Variants in DOCK1 observed in about 807,000 individuals in gnomAD.
The protein encoded by DOCK1 is dedicator of cytokinesis protein 1.
A neutral mutation model predicts 262.7 loss-of-function variants in DOCK1; 138 were observed. The observed-to-expected ratio is 0.53, with a 90% CI of 0.46 to 0.61. DOCK1 has a LOEUF of 0.61. DOCK1 is among the 20% of genes least tolerant of loss of function. DOCK1 has a pLI of 0.00. For missense variants in DOCK1, 1,908 were observed against 2,370.7 expected (o/e 0.80, Z 4.05); for synonymous variants, 866 against 867.4 (o/e 1.00, Z 0.03).
chr10:127,419,528 T>G, intron 45 of DOCK1, 138 bp from the exon 46 acceptor site: 1 of 765,404 alleles, frequency 1.3e-6, no homozygotes, highest in Admixed American at 2.3e-5. Context: ...GCGAAGGGTG[T>G]GACCCTGAGT....
intron 16 of DOCK1, 79 bp downstream of exon 16, chr10:127,026,503 G>T: frequency 1.5e-6 from 2 of 1,311,506 alleles, no homozygotes; most frequent in Non-Finnish European, 2.1e-6. Context: ...ACTCTCAGTT[G>T]TTCTGGAACT....
chr10:127,316,514 C>A (rs1322906932), intron 29 of DOCK1, among the ~76,000 whole-genome samples: 5 of 152,150 alleles, frequency 3.3e-5, no homozygotes, highest in Non-Finnish European at 7.4e-5. Flanking sequence ...TGGATTCATT[C>A]TGAATCGACT....
At chr10:127,433,458 G>C in intron 48 of DOCK1, 30 bp downstream of exon 48, 1 of 1,610,312 alleles carries the variant, frequency 6.2e-7, no homozygotes, top group Non-Finnish European at 8.5e-7. Context: ...GGGCTGAGCT[G>C]AGCAGTGAGG....
At chr10:127,427,464 C>G (rs1010842435) in intron 47 of DOCK1, among the ~76,000 whole-genome samples, 4 of 152,184 alleles carry the variant, frequency 2.6e-5, no homozygotes, top group Non-Finnish European at 5.9e-5. Flanking sequence ...CAGGGACCTT[C>G]CTAAGTGCTG....
chr10:127,429,974 T>A (rs2134611292), intron 47 of DOCK1, among the ~76,000 whole-genome samples: 1 of 152,332 alleles, frequency 6.6e-6, no homozygotes, highest in Non-Finnish European at 1.5e-5. Flanking sequence ...AAATTGATCC[T>A]GGTTCTGCAT....
At chr10:126,979,090 AC>A (rs1157465785) in intron 3 of DOCK1, among the ~76,000 whole-genome samples, 5 of 152,114 alleles carry the variant, frequency 3.3e-5, no homozygotes. Flanking sequence ...CCAACCTCAG[AC>A]TGGGCTACAG....
intron 27 of DOCK1, among the ~76,000 whole-genome samples, chr10:127,224,473 A>G (rs2058560671): frequency 6.6e-6 from 1 of 151,914 alleles, no homozygotes; most frequent in Admixed American, 6.6e-5. Flanking sequence ...GAGGGAGGAA[A>G]ATCACTTGAA....
chr10:126,947,271 G>A (rs2035500150), intron 1 of DOCK1, among the ~76,000 whole-genome samples: 1 of 146,422 alleles, frequency 6.8e-6, no homozygotes, highest in Non-Finnish European at 1.5e-5. Flanking sequence ...TAGTACTACT[G>A]TTGGTGGTGA....
intron 27 of DOCK1, among the ~76,000 whole-genome samples, chr10:127,236,383 C>G (rs2059055329): frequency 6.8e-6 from 1 of 147,766 alleles, no homozygotes; most frequent in Non-Finnish European, 1.5e-5. Flanking sequence ...TGCTCCCTCC[C>G]TACTTCCCTC....
Position 127,227,359 on chromosome 10 carries a change from C to T in DOCK1, c.2848-20649C>T, listed in dbSNP as rs371284316. Among the ~76,000 whole-genome samples the T allele has an allele frequency of 2.5e-4, 38 of 152,314 alleles. No homozygotes were observed. In the East Asian group the frequency reaches 3.1e-3, roughly 12 times the overall value. On this transcript the variant is annotated intron_variant, in intron 27 of 51. Coordinates refer to ENST00000623213, the MANE Select transcript of DOCK1 (RefSeq NM_001290223.2). ...ATAGGCTGGTAAGACCCTGCCAGTGCGGGCCTGCCTCAGTGCCTTGGAACG... is the reference window on the plus strand; with the variant it reads ...ATAGGCTGGTAAGACCCTGCCAGTGTGGGCCTGCCTCAGTGCCTTGGAACG...
intron 1 of DOCK1, among the ~76,000 whole-genome samples, chr10:126,948,946 G>A (rs1446174328): frequency 6.6e-6 from 1 of 152,140 alleles, no homozygotes; most frequent in Non-Finnish European, 1.5e-5. Flanking sequence ...GGCCCCGCAA[G>A]CTGGGCTTTC....
intron 13 of DOCK1, among the ~76,000 whole-genome samples, chr10:127,022,070 T>C (rs528900126): frequency 1.2e-3 from 180 of 152,218 alleles, no homozygotes; most frequent in African/African-American, 4.2e-3. Flanking sequence ...TTCTCCCAGT[T>C]GGGCCATTAC....
chr10:127,007,404 C>T (rs985331232), intron 10 of DOCK1: 1 of 152,304 alleles, frequency 6.6e-6, no homozygotes, highest in African/African-American at 2.4e-5. Context: ...TAGACTGATC[C>T]TCTTACCTGA....
chr10:127,300,802 TCTTTG>T (rs568900279), intron 29 of DOCK1, among the ~76,000 whole-genome samples: 2 of 152,270 alleles, frequency 1.3e-5, no homozygotes, highest in Admixed American at 6.5e-5. Context: ...CACCTGACTT[TCTTTG>T]CTTTGCTTTG....
chr10:127,163,659 T>C (rs752653887), intron 27 of DOCK1, among the ~76,000 whole-genome samples: 12 of 152,122 alleles, frequency 7.9e-5, no homozygotes, highest in Non-Finnish European at 1.0e-4. Flanking sequence ...TAAATAGTAT[T>C]CATATTAGCC....
intron 1 of DOCK1, among the ~76,000 whole-genome samples, chr10:126,951,039 T>C (rs2036173938): frequency 6.6e-6 from 1 of 151,936 alleles, no homozygotes; most frequent in Non-Finnish European, 1.5e-5. Context: ...TTGGTAGTAG[T>C]AGTATTGGTG....
At chr10:127,005,623 T>A (rs1436352592) in intron 10 of DOCK1, among the ~76,000 whole-genome samples, 1 of 152,192 alleles carries the variant, frequency 6.6e-6, no homozygotes. Flanking sequence ...TATCTTTTTC[T>A]AAAAGATAGA....
At chr10:127,105,060 C>G (rs986835245) in intron 23 of DOCK1, among the ~76,000 whole-genome samples, 1 of 152,096 alleles carries the variant, frequency 6.6e-6, no homozygotes, top group Non-Finnish European at 1.5e-5. Context: ...TTTCCTGTGC[C>G]GTTCTCATGA....
chr10:127,371,086 A>G (rs2065183630), intron 33 of DOCK1, among the ~76,000 whole-genome samples: 1 of 152,256 alleles, frequency 6.6e-6, no homozygotes, highest in Non-Finnish European at 1.5e-5. Context: ...TGATAAAACC[A>G]GCTCTGCTCT....
Sources: gnomAD v4.1 joint callset for allele counts (sites outside exome capture counted in the v4.1 genomes callset) on GRCh38, gnomAD v4.1.1 for gene constraint, MANE v1.5 for transcripts, NCBI Gene and HGNC (gene_info 2026-07-23, HGNC 2026-07-21) for gene names.